ARSG: variants seen among roughly 807,000 people sequenced by gnomAD.
The protein encoded by ARSG is arylsulfatase G, also known as ASG.
In ARSG, 37 loss-of-function variants were observed where a neutral mutation model predicts 50.5. That is an observed-to-expected ratio of 0.73 (90% CI 0.56 to 0.96). ARSG has a LOEUF of 0.96. ARSG is among the 50% of genes least tolerant of loss of function. ARSG has a pLI of 0.00. For synonymous variants in ARSG, 225 were observed against 254.6 expected (o/e 0.88, Z 1.11); for missense variants, 629 against 675.3 (o/e 0.93, Z 0.76).
chr17:68,353,765 A>T (rs1208935547), intron 5 of ARSG, among the ~76,000 whole-genome samples: 1 of 152,168 alleles, frequency 6.6e-6, no homozygotes, highest in African/African-American at 2.4e-5. Flanking sequence ...GCAGTAGCAC[A>T]ATCTCTGATC....
chr17:68,306,315 C>CTCGAATTCTTGAATA (rs1555764037), intron 1 of ARSG, among the ~76,000 whole-genome samples: 8 of 152,166 alleles, frequency 5.3e-5, no homozygotes, highest in African/African-American at 1.9e-4. Flanking sequence ...ATTTCTTGAA[C>CTCGAATTCTTGAATA]CCGGGAGGCG....
At chr17:68,263,050 A>C (rs1304545312) in intron 1 of ARSG, among the ~76,000 whole-genome samples, 1 of 152,214 alleles carries the variant, frequency 6.6e-6, no homozygotes, top group Non-Finnish European at 1.5e-5. Flanking sequence ...TGACACAAAT[A>C]CATGGCCACA....
intron 8 of ARSG, among the ~76,000 whole-genome samples, chr17:68,374,684 TCTATTAAAAATACAAAA>T (rs2080056365): frequency 6.6e-6 from 1 of 151,930 alleles, no homozygotes; most frequent in African/African-American, 2.4e-5. Context: ...AAACCCCGTC[TCTATTAAAAATACAAAA>T]ATTAACCAGG....
intron 2 of ARSG, among the ~76,000 whole-genome samples, chr17:68,308,511 A>G (rs564442400): frequency 6.6e-6 from 1 of 152,288 alleles, no homozygotes; most frequent in East Asian, 1.9e-4. Context: ...GCAGACCTTC[A>G]TGGTGAGTGT....
chr17:68,407,626 G>C (rs541572806), intron 11 of ARSG, among the ~76,000 whole-genome samples: 68 of 151,732 alleles, frequency 4.5e-4, no homozygotes, highest in African/African-American at 1.6e-3. Flanking sequence ...TATTGTAAAA[G>C]GGGTTGACTT....
chr17:68,319,586 A>C (rs1439756962), intron 2 of ARSG, among the ~76,000 whole-genome samples: 1 of 152,162 alleles, frequency 6.6e-6, no homozygotes, highest in African/African-American at 2.4e-5. Context: ...TGCTTAACCA[A>C]CTGCAAGCTC....
intron 2 of ARSG, among the ~76,000 whole-genome samples, chr17:68,318,529 A>C (rs1471371157): frequency 2.6e-5 from 4 of 152,240 alleles, no homozygotes; most frequent in African/African-American, 9.6e-5. Flanking sequence ...GAGACAGAGA[A>C]TGCCCAGTGA....
At chr17:68,266,925 A>G (rs1481699350) in intron 1 of ARSG, 2 of 152,218 alleles carry the variant, frequency 1.3e-5, no homozygotes, top group African/African-American at 2.4e-5. Flanking sequence ...ACGTTAAAAA[A>G]TTATTTATTT....
intron 8 of ARSG, among the ~76,000 whole-genome samples, chr17:68,377,130 G>A (rs1471268494): frequency 1.3e-5 from 2 of 152,140 alleles, no homozygotes; most frequent in Admixed American, 6.5e-5. Context: ...CCAAAGTGCT[G>A]GGATTACAGG....
chr17:68,401,156 A>G (rs2081453056), intron 10 of ARSG: 5 of 538,452 alleles, frequency 9.3e-6, no homozygotes, highest in South Asian at 2.2e-5. Flanking sequence ...CCAAGTAGCT[A>G]GGACCACAGG....
chr17:68,397,604 GA>G (rs2081299427), intron 10 of ARSG, among the ~76,000 whole-genome samples: 2 of 152,008 alleles, frequency 1.3e-5, no homozygotes. Flanking sequence ...GGGGAGGCTT[GA>G]AGGTAAGAAT....
At chr17:68,289,614 T>C (rs2075922644), upstream of ARSG, among the ~76,000 whole-genome samples, 1 of 152,340 alleles carries the variant, frequency 6.6e-6, no homozygotes, top group Non-Finnish European at 1.5e-5. Context: ...CCAGTCTGTA[T>C]TTGGCTAAAG....
At chr17:68,297,062 T>C (rs571633092) in intron 1 of ARSG, among the ~76,000 whole-genome samples, 1 of 152,314 alleles carries the variant, frequency 6.6e-6, no homozygotes, top group East Asian at 1.9e-4. Context: ...GCATAAACTA[T>C]ACAGAATGTC....
chr17:68,440,138 T>C, the ARSG span, among the ~76,000 whole-genome samples: 1 of 152,202 alleles, frequency 6.6e-6, no homozygotes, highest in Non-Finnish European at 1.5e-5. Context: ...ACCACTTATT[T>C]GACAGTTTTG....
At chr17:68,426,244 G>C, downstream of ARSG, 11 of 985,744 alleles carry the variant, frequency 1.1e-5, no homozygotes, top group Non-Finnish European at 1.7e-5. Flanking sequence ...CTGGCGGGTG[G>C]GGAGCGGGGG....
intron 11 of ARSG, among the ~76,000 whole-genome samples, chr17:68,415,702 A>G (rs375318473): frequency 6.6e-6 from 1 of 152,088 alleles, no homozygotes; most frequent in Admixed American, 6.5e-5. Context: ...TGGGAGCTCC[A>G]GTGTTAGGAG....
intron 1 of ARSG, among the ~76,000 whole-genome samples, chr17:68,305,801 T>C (rs1284825024): frequency 6.6e-6 from 1 of 151,994 alleles, no homozygotes; most frequent in Non-Finnish European, 1.5e-5. Context: ...GGCCTGGGTG[T>C]GGTGGCTCAC....
intron 1 of ARSG, among the ~76,000 whole-genome samples, chr17:68,282,779 T>TAAAA (rs36155626): frequency 0.092 from 4,906 of 53,230 alleles, 551 homozygotes; most frequent in African/African-American, 0.21. Context: ...CCATCTCTAC[T>TAAAA]AAAAAAAAAA....
At chr17:68,398,989 A>G (rs950244506) in intron 10 of ARSG, among the ~76,000 whole-genome samples, 1 of 152,188 alleles carries the variant, frequency 6.6e-6, no homozygotes, top group African/African-American at 2.4e-5. Context: ...TGGAAGCTGA[A>G]GGTGGTAACA....
Sources: allele counts gnomAD v4.1 joint callset (sites outside exome capture counted in the v4.1 genomes callset), GRCh38; gene constraint gnomAD v4.1.1; transcripts MANE v1.5; gene names NCBI Gene and HGNC (gene_info 2026-07-23, HGNC 2026-07-21).